The following INPP4B variants were observed in gnomAD, a reference collection of about 807,000 sequenced individuals.
The protein encoded by INPP4B is inositol polyphosphate-4-phosphatase type II B, also known as inositol polyphosphate 4-phosphatase type II.
In INPP4B, 55 loss-of-function variants were observed where a neutral mutation model predicts 122.5. The observed-to-expected ratio is 0.45, with a 90% CI of 0.36 to 0.56. The LOEUF is 0.56. Among genes scored for constraint, INPP4B ranks in the 20% least tolerant of loss-of-function variants. The pLI is 0.00. For synonymous variants in INPP4B, 403 were observed against 388.7 expected (o/e 1.04, Z -0.43); for missense variants, 1,000 against 1,097.7 (o/e 0.91, Z 1.26).
chr4:142,212,782 T>C (rs1359755312), intron 12 of INPP4B, among the ~76,000 whole-genome samples: 1 of 151,906 alleles, frequency 6.6e-6, no homozygotes, highest in Non-Finnish European at 1.5e-5. Context: ...GTAGTGCAAA[T>C]ACCACAAGTG....
At chr4:142,462,775 AT>A (rs1816974468) in intron 2 of INPP4B, 49 bp from the exon 3 acceptor site, 2 of 152,104 alleles carry the variant, frequency 1.3e-5, no homozygotes, top group African/African-American at 4.8e-5. Flanking sequence ...TTTACTGGAA[AT>A]TTTCTTACTA....
intron 1 of INPP4B, among the ~76,000 whole-genome samples, chr4:142,824,985 A>T (rs908851917): frequency 5.3e-5 from 8 of 152,084 alleles, no homozygotes; most frequent in Non-Finnish European, 1.0e-4. Context: ...TAGGAAATAT[A>T]CTGGAGGAGA....
At chr4:142,431,524 C>T in intron 3 of INPP4B, 139 bp from the exon 4 acceptor site, 1 of 480,002 alleles carries the variant, frequency 2.1e-6, no homozygotes, top group South Asian at 2.5e-5. Flanking sequence ...AGAACCATTC[C>T]ACACAGTTAA....
At chr4:142,495,151 G>A (rs1204978760) in intron 2 of INPP4B, among the ~76,000 whole-genome samples, 1 of 151,934 alleles carries the variant, frequency 6.6e-6, no homozygotes, top group Non-Finnish European at 1.5e-5. Context: ...ACATATGTTA[G>A]TTAAGCATCT....
intron 2 of INPP4B, among the ~76,000 whole-genome samples, chr4:142,653,223 T>C (rs1393793114): frequency 1.3e-5 from 2 of 152,036 alleles, no homozygotes; most frequent in Non-Finnish European, 1.5e-5. Context: ...AAACTGAATT[T>C]GAGATGGATT....
intron 15 of INPP4B, among the ~76,000 whole-genome samples, chr4:142,181,704 G>C (rs1579197109): frequency 1.3e-5 from 2 of 151,952 alleles, no homozygotes; most frequent in Non-Finnish European, 2.9e-5. Flanking sequence ...GAACAACTCC[G>C]AGAAATTTAC....
intron 2 of INPP4B, among the ~76,000 whole-genome samples, chr4:142,521,050 TCAAA>T (rs1204290587): frequency 6.6e-6 from 1 of 151,802 alleles, no homozygotes; most frequent in African/African-American, 2.4e-5. Context: ...CTCAGAAAAA[TCAAA>T]CAAACCCATC....
intron 25 of INPP4B, among the ~76,000 whole-genome samples, chr4:142,033,037 C>T (rs1314868980): frequency 2.6e-5 from 4 of 151,668 alleles, no homozygotes; most frequent in Non-Finnish European, 4.4e-5. Context: ...AAGCCTAAAA[C>T]ATGTACTTTG....
intron 1 of INPP4B, among the ~76,000 whole-genome samples, chr4:142,762,337 C>T (rs1418916527): frequency 6.6e-6 from 1 of 152,112 alleles, no homozygotes. Flanking sequence ...CACACAAATA[C>T]ATATGCACAG....
chr4:142,684,307 C>T (rs1759045150), intron 2 of INPP4B, among the ~76,000 whole-genome samples: 1 of 151,952 alleles, frequency 6.6e-6, no homozygotes, highest in Non-Finnish European at 1.5e-5. Flanking sequence ...GAATAGCGCT[C>T]CCAAAAGGGA....
At chr4:142,080,086 T>C (rs1191919781) in intron 25 of INPP4B, among the ~76,000 whole-genome samples, 1 of 152,058 alleles carries the variant, frequency 6.6e-6, no homozygotes, top group East Asian at 1.9e-4. Context: ...ACTATTATCA[T>C]GTCTGTTTTA....
chr4:142,256,627 C>T (rs556783215), intron 11 of INPP4B, among the ~76,000 whole-genome samples: 1 of 152,182 alleles, frequency 6.6e-6, no homozygotes, highest in South Asian at 2.1e-4. Flanking sequence ...AATTGCTCAA[C>T]ACATACACTC....
At chr4:142,356,332 G>T (rs760263171) in intron 7 of INPP4B, among the ~76,000 whole-genome samples, 16 of 150,688 alleles carry the variant, frequency 1.1e-4, no homozygotes, top group Non-Finnish European at 2.1e-4. Context: ...GAATGAGAAT[G>T]TACAGAGATG....
chr4:142,176,285 C>T (rs1828238827), intron 15 of INPP4B, among the ~76,000 whole-genome samples: 1 of 151,704 alleles, frequency 6.6e-6, no homozygotes, highest in Admixed American at 6.6e-5. Flanking sequence ...TATCCCTCCC[C>T]ACTGCCCAAG....
intron 2 of INPP4B, among the ~76,000 whole-genome samples, chr4:142,665,034 A>C (rs2150601622): frequency 6.6e-6 from 1 of 152,354 alleles, no homozygotes; most frequent in African/African-American, 2.4e-5. Context: ...ACAATTAAGC[A>C]TTTGTATATC....
intron 2 of INPP4B, among the ~76,000 whole-genome samples, chr4:142,646,150 C>T (rs1002366844): frequency 7.2e-5 from 11 of 152,128 alleles, no homozygotes; most frequent in Non-Finnish European, 1.0e-4. Context: ...ATACATTTAT[C>T]AAAACCACTG....
In INPP4B at chr4:142,159,469, A is replaced by AT. The variant is rs35597934; in HGVS notation, c.1563+888dup. On this transcript the variant is annotated intron_variant, in intron 17 of 25. Transcript: ENST00000262992. ...ATCACCTCACAGCCTTTCAGATAAC[A>AT]TTTTTTTTTTTGAGAGGCCTGTGCC... Among the ~76,000 whole-genome samples, 383 of 147,912 alleles carry AT rather than the reference A, an allele frequency of 2.6e-3. 5 individuals carry two copies. The highest frequency in any genetic ancestry group is 5.3e-3 in the African/African-American group (217 of 40,574).
intron 11 of INPP4B, among the ~76,000 whole-genome samples, chr4:142,241,577 A>C (rs1203822649): frequency 6.6e-6 from 1 of 152,210 alleles, no homozygotes; most frequent in Non-Finnish European, 1.5e-5. Flanking sequence ...GTAATTGTGA[A>C]AGCCAAACTG....
chr4:142,700,094 T>C (rs1761525948), intron 2 of INPP4B, among the ~76,000 whole-genome samples: 1 of 152,094 alleles, frequency 6.6e-6, no homozygotes, highest in Admixed American at 6.6e-5. Flanking sequence ...CCTATACTCA[T>C]GGTTTTCAAA....
Sources: gnomAD v4.1 joint callset for allele counts (sites outside exome capture counted in the v4.1 genomes callset) on GRCh38, gnomAD v4.1.1 for gene constraint, MANE v1.5 for transcripts, NCBI Gene and HGNC (gene_info 2026-07-23, HGNC 2026-07-21) for gene names.